Variants in PTPRK observed in about 807,000 individuals in gnomAD.
PTPRK encodes receptor-type tyrosine-protein phosphatase kappa.
PTPRK carries 75 observed loss-of-function variants against 178.0 expected under a neutral mutation model. That is an observed-to-expected ratio of 0.42 (90% CI 0.35 to 0.51). The LOEUF is 0.51. Among genes scored for constraint, PTPRK ranks in the 20% least tolerant of loss-of-function variants. The probability of loss-of-function intolerance (pLI) is 0.02; values close to 1 mark genes in which losing one functional copy is unlikely to be tolerated. For missense variants in PTPRK, 1,441 were observed against 1,797.8 expected, an observed-to-expected ratio of 0.80 and a Z score of 3.59; for synonymous variants, 637 against 620.6, an observed-to-expected ratio of 1.03 and a Z score of -0.39.
intron 1 of PTPRK, among the ~76,000 whole-genome samples, chr6:128,468,133 C>T (rs1478552923): frequency 1.3e-5 from 2 of 152,086 alleles, no homozygotes; most frequent in African/African-American, 2.4e-5. Flanking sequence ...AGTGGACACA[C>T]AAATTATTAT....
At chr6:128,010,208 C>T (rs1778896456) in intron 13 of PTPRK, among the ~76,000 whole-genome samples, 1 of 151,242 alleles carries the variant, frequency 6.6e-6, no homozygotes, top group Non-Finnish European at 1.5e-5. Context: ...CAAAATTTCT[C>T]AATGTCTCCA....
chr6:128,366,449 CTCT>C (rs536462664), intron 2 of PTPRK, among the ~76,000 whole-genome samples: 247 of 152,172 alleles, frequency 1.6e-3, no homozygotes, highest in Non-Finnish European at 3.2e-3. Flanking sequence ...AAAATTGTGG[CTCT>C]TCTTATACTA....
In PTPRK at chr6:128,032,821, A is replaced by G. The variant is rs146698224; in HGVS notation, c.2195-23553T>C. On this transcript the variant is annotated intron_variant, in intron 13 of 29. Transcript: ENST00000368226. ...CTGAAGCAGTATCAGCTTAGTGCAT[A>G]TTATATCATATGTCACTGCGGGAAT... is the stretch of plus-strand genomic sequence containing the variant. 2.2e-3 allele frequency among the ~76,000 whole-genome samples: 332 copies of G among 152,316 alleles called. 2 individuals are homozygous for G. The highest frequency in any genetic ancestry group is 7.5e-3 in the African/African-American group (313 of 41,572).
chr6:128,160,024 ATATC>A (rs1295307999), intron 7 of PTPRK, among the ~76,000 whole-genome samples: 2 of 151,704 alleles, frequency 1.3e-5, no homozygotes, highest in African/African-American at 4.8e-5. Context: ...TTATATCTTG[ATATC>A]TATATTCTTC....
At chr6:128,440,938 G>A (rs750712113) in intron 1 of PTPRK, among the ~76,000 whole-genome samples, 2 of 151,938 alleles carry the variant, frequency 1.3e-5, no homozygotes, top group Admixed American at 6.6e-5. Flanking sequence ...GGAAGGTGTT[G>A]TTAGATACAG....
intron 1 of PTPRK, among the ~76,000 whole-genome samples, chr6:128,458,862 A>G (rs1228136017): frequency 6.6e-6 from 1 of 152,142 alleles, no homozygotes; most frequent in African/African-American, 2.4e-5. Flanking sequence ...CCTTACACTC[A>G]TCTCTGTCAC....
chr6:128,459,514 C>G (rs1848771024), intron 1 of PTPRK, among the ~76,000 whole-genome samples: 1 of 152,156 alleles, frequency 6.6e-6, no homozygotes, highest in Non-Finnish European at 1.5e-5. Context: ...CAGACATCCA[C>G]AGCAAATACA....
intron 1 of PTPRK, among the ~76,000 whole-genome samples, chr6:128,448,952 T>C (rs1847397110): frequency 6.6e-6 from 1 of 152,014 alleles, no homozygotes; most frequent in Non-Finnish European, 1.5e-5. Flanking sequence ...CTCCGCCTCC[T>C]GGGTTCAAGT....
At chr6:128,264,624 G>A (rs1436397288) in intron 3 of PTPRK, among the ~76,000 whole-genome samples, 2 of 152,026 alleles carry the variant, frequency 1.3e-5, no homozygotes, top group Non-Finnish European at 2.9e-5. Flanking sequence ...GAATAACTGG[G>A]ACTACAGGCA....
At chr6:128,041,579 A>C (rs1423650931) in intron 13 of PTPRK, among the ~76,000 whole-genome samples, 1 of 152,030 alleles carries the variant, frequency 6.6e-6, no homozygotes, top group Non-Finnish European at 1.5e-5. Flanking sequence ...AATAAAACTA[A>C]TGTAATCCTT....
At chr6:128,422,315 G>A (rs1843571898) in intron 1 of PTPRK, among the ~76,000 whole-genome samples, 1 of 152,040 alleles carries the variant, frequency 6.6e-6, no homozygotes, top group Admixed American at 6.6e-5. Context: ...TGTGAAAGCT[G>A]AATCACTAGG....
intron 6 of PTPRK, among the ~76,000 whole-genome samples, chr6:128,215,177 T>G (rs1348344386): frequency 2.0e-5 from 3 of 152,108 alleles, no homozygotes; most frequent in Non-Finnish European, 4.4e-5. Flanking sequence ...AGAAATTGAG[T>G]GTGAGGTGTA....
chr6:128,110,438 C>T (rs901747113), intron 7 of PTPRK, among the ~76,000 whole-genome samples: 4 of 152,028 alleles, frequency 2.6e-5, no homozygotes, highest in Admixed American at 2.0e-4. Flanking sequence ...GCTGAACAAG[C>T]CATTAATGTG....
chr6:128,445,246 A>G (rs1057174973), intron 1 of PTPRK, among the ~76,000 whole-genome samples: 2 of 146,786 alleles, frequency 1.4e-5, no homozygotes, highest in African/African-American at 2.5e-5. Flanking sequence ...TATAAATACT[A>G]TATATAATTT....
chr6:128,297,083 G>T (rs546655538), intron 3 of PTPRK, among the ~76,000 whole-genome samples: 6,583 of 148,986 alleles, frequency 0.044, 417 homozygotes, highest in African/African-American at 0.16. Context: ...TCCTAGTCTC[G>T]GATAAAACAG....
chr6:128,493,526 C>T (rs1200997631), intron 1 of PTPRK, among the ~76,000 whole-genome samples: 1 of 149,892 alleles, frequency 6.7e-6, no homozygotes, highest in African/African-American at 2.5e-5. Context: ...CGTGCCACTG[C>T]GCTCCAGCTG....
intron 29 of PTPRK, 51 bp downstream of exon 29, chr6:127,972,971 T>C (rs1774107375): frequency 6.4e-7 from 1 of 1,568,676 alleles, no homozygotes; most frequent in Non-Finnish European, 8.8e-7. Context: ...AGTAGGTATA[T>C]GACTAACTAA....
chr6:128,440,530 T>C (rs1346337222), intron 1 of PTPRK, among the ~76,000 whole-genome samples: 1 of 152,194 alleles, frequency 6.6e-6, no homozygotes, highest in Non-Finnish European at 1.5e-5. Context: ...ATAGTGAAAT[T>C]TTCCCATTCT....
chr6:128,121,475 C>T (rs150022495), intron 7 of PTPRK, among the ~76,000 whole-genome samples: 287 of 151,924 alleles, frequency 1.9e-3, no homozygotes, highest in African/African-American at 6.1e-3. Flanking sequence ...TATTTCTGGT[C>T]AAATGATTGA....
Sources: gnomAD v4.1 joint callset for allele counts (sites outside exome capture counted in the v4.1 genomes callset) on GRCh38, gnomAD v4.1.1 for gene constraint, MANE v1.5 for transcripts, NCBI Gene and HGNC (gene_info 2026-07-23, HGNC 2026-07-21) for gene names.